The following HMGB1 variants were observed in gnomAD, a reference collection of about 807,000 sequenced individuals.
The protein encoded by HMGB1 is high mobility group box 1, also known as high mobility group protein B1.
For synonymous variants in HMGB1, 81 were observed against 84.0 expected (o/e 0.96, Z 0.19); for missense variants, 79 against 253.5 (o/e 0.31, Z 4.67).
intron 1 of HMGB1, chr13:30,554,311 C>A (rs1869575333): frequency 1.9e-6 from 2 of 1,068,156 alleles, no homozygotes; most frequent in Admixed American, 1.7e-5. Context: ...CTGCAGTGAT[C>A]CATTGTAGCG....
intron 1 of HMGB1, among the ~76,000 whole-genome samples, chr13:30,577,787 A>G (rs559782553): frequency 6.6e-6 from 1 of 152,366 alleles, no homozygotes; most frequent in East Asian, 1.9e-4. Context: ...TTGGCACATT[A>G]TAAGCATTCA....
chr13:30,595,693 G>C (rs1871576765), intron 1 of HMGB1, among the ~76,000 whole-genome samples: 1 of 152,186 alleles, frequency 6.6e-6, no homozygotes, highest in South Asian at 2.1e-4. Context: ...TGAGGGCTTT[G>C]AGGGCTGCAC....
chr13:30,567,343 A>ATTT (rs34781585), intron 1 of HMGB1, among the ~76,000 whole-genome samples: 12 of 138,818 alleles, frequency 8.6e-5, no homozygotes, highest in African/African-American at 2.2e-4. Flanking sequence ...TGTTAACCAA[A>ATTT]TTTTTTTTTT....
chr13:30,609,301 G>A (rs1287510097), intron 1 of HMGB1, among the ~76,000 whole-genome samples: 3 of 152,090 alleles, frequency 2.0e-5, no homozygotes, highest in Admixed American at 6.6e-5. Context: ...GAAAGGCCGT[G>A]ATCATTGGTA....
intron 4 of HMGB1, among the ~76,000 whole-genome samples, chr13:30,461,944 GT>G (rs1306220588): frequency 6.6e-6 from 1 of 152,080 alleles, no homozygotes; most frequent in Non-Finnish European, 1.5e-5. Flanking sequence ...AAAAAAAAAG[GT>G]AATTTGTCAA....
rs943622130 is a variant in HMGB1, at chr13:30,554,186, T to A, written c.-15+62485A>T. On this transcript the variant is annotated intron_variant, in intron 1 of 4. Transcript: ENST00000405805. Reference sequence around the variant, plus strand: ...CAATAGTGGTGAAACCAGAACAATATCTCACTTGCATTATACGACCTGGCC... The same window carrying A: ...CAATAGTGGTGAAACCAGAACAATAACTCACTTGCATTATACGACCTGGCC... 7.8e-6 allele frequency: 11 copies of A among 1,407,738 alleles called. No homozygotes were observed. The South Asian group carries it at 1.2e-4, about 15-fold the overall frequency. 87.2% of individuals were successfully genotyped at this position (1,407,738 alleles called of 1,614,324 possible). A position where few individuals can be genotyped will look rare whatever the true frequency, so the allele number is the denominator to read the frequency against.
chr13:30,547,437 C>A (rs913761335), intron 1 of HMGB1, among the ~76,000 whole-genome samples: 21 of 152,282 alleles, frequency 1.4e-4, no homozygotes, highest in Middle Eastern at 6.8e-3. Flanking sequence ...TTCCTCTACC[C>A]ACAGCCTTAA....
At chr13:30,571,627 T>TAAAAAAAAA (rs1566028750) in intron 1 of HMGB1, among the ~76,000 whole-genome samples, 2 of 152,192 alleles carry the variant, frequency 1.3e-5, no homozygotes, top group Non-Finnish European at 2.9e-5. Flanking sequence ...ACAATTAAGC[T>TAAAAAAAAA]GTAGAATAAA....
intron 1 of HMGB1, among the ~76,000 whole-genome samples, chr13:30,594,406 T>A (rs752938087): frequency 6.6e-6 from 1 of 152,186 alleles, no homozygotes; most frequent in East Asian, 1.9e-4. Flanking sequence ...GAGTTCCCAG[T>A]GTCTACTGTT....
At chr13:30,494,258 T>C (rs1887562273) in intron 1 of HMGB1, among the ~76,000 whole-genome samples, 1 of 152,218 alleles carries the variant, frequency 6.6e-6, no homozygotes. Context: ...CTTTCATTTG[T>C]ATCTTTAAAC....
At position 30,457,009 on chromosome 13, in the gene HMGB1, T is replaced by C. The variant is rs1886019564; in HGVS notation, c.*4348A>G. 5 of 152,126 alleles carry C rather than the reference T, an allele frequency of 3.3e-5. No homozygotes were observed. The South Asian group carries it at 1.0e-3, about 32-fold the overall frequency. The allele number at this position is 152,126 out of a possible 1,614,324, so 9.4% of individuals were successfully genotyped here. On this transcript the variant is annotated 3_prime_UTR_variant, in exon 5 of 5. Transcript: ENST00000341423. ...AGTGAGATCGAAAAAAGAAAAAATATGTATTATGGAGCACCATACTGTGGA... is the reference window on the plus strand; with the variant it reads ...AGTGAGATCGAAAAAAGAAAAAATACGTATTATGGAGCACCATACTGTGGA...
intron 4 of HMGB1, 98 bp downstream of exon 4, chr13:30,462,440 T>A: frequency 1.1e-6 from 1 of 916,320 alleles, no homozygotes; most frequent in Non-Finnish European, 1.8e-6. Flanking sequence ...ATACTTAATG[T>A]AGCTGTTACC....
chr13:30,576,223 G>T (rs186574378), intron 1 of HMGB1, among the ~76,000 whole-genome samples: 61 of 152,248 alleles, frequency 4.0e-4, no homozygotes, highest in African/African-American at 1.4e-3. Flanking sequence ...TTTATTTGAT[G>T]TATTGTAAAA....
At position 30,530,578 on chromosome 13, in the gene HMGB1, G is replaced by GAA. The variant is rs146625060; in HGVS notation, c.-14-66885_-14-66884insTT. ...GAAGTGTGCAAATATATAGGTAAAA[G>GAA]TATTTTTGTAGCTCTGCTAACAATA... On this transcript the variant is annotated intron_variant, in intron 1 of 4. Transcript: ENST00000405805. 7.3e-3 allele frequency among the ~76,000 whole-genome samples: 1,110 copies of GAA among 152,298 alleles called. 13 individuals carry two copies. The highest frequency in any genetic ancestry group is 0.021 in the African/African-American group (889 of 41,556).
At chr13:30,583,055 C>CG (rs1405743039) in intron 1 of HMGB1, among the ~76,000 whole-genome samples, 2 of 151,430 alleles carry the variant, frequency 1.3e-5, no homozygotes, top group African/African-American at 4.9e-5. Context: ...TTTGTAGAGA[C>CG]GGGGTCTTGC....
rs1357079840 is a variant in HMGB1, at chr13:30,458,266, G to T, written c.*3091C>A. 1 of 151,530 alleles carries T rather than the reference G, an allele frequency of 6.6e-6. No homozygotes were observed. The highest frequency in any genetic ancestry group is 6.6e-5 in the Admixed American group (1 of 15,220). The allele number at this position is 151,530 out of a possible 1,614,324, so 9.4% of individuals were successfully genotyped here. A position where few individuals can be genotyped will look rare whatever the true frequency, so the allele number is the denominator to read the frequency against. ...GACCTAAATGTGAACTTTCATCAAG[G>T]ACTATGTGATGTCAAGCAAGGCAGT... On this transcript the variant is annotated 3_prime_UTR_variant, in exon 5 of 5. Coordinates refer to ENST00000341423, the MANE Select transcript of HMGB1 (RefSeq NM_002128.7).
intron 1 of HMGB1, among the ~76,000 whole-genome samples, chr13:30,592,184 C>A (rs531104050): frequency 2.2e-5 from 3 of 135,186 alleles, no homozygotes; most frequent in African/African-American, 6.9e-5. Flanking sequence ...AAAAAAAAAA[C>A]ATTTTCCCCT....
In HMGB1 at chr13:30,465,817, C is replaced by A. The variant is rs1366438341; in HGVS notation, c.-36G>T. ...TCACCCTCAGCGAGGCACAGAGTCG[C>A]CCAGTGCCCGTCCGGCTCTCACTTG... is the stretch of plus-strand genomic sequence containing the variant. On this transcript the variant is annotated 5_prime_UTR_variant, in exon 1 of 5. Coordinates refer to ENST00000341423, the MANE Select transcript of HMGB1 (RefSeq NM_002128.7). 1.0e-6 allele frequency: 1 copy of A among 985,528 alleles called. No individual in the cohort carries two copies. The highest frequency in any genetic ancestry group is 6.1e-5 in the Admixed American group (1 of 16,264). The allele number at this position is 985,528 out of a possible 1,614,324, so 61.0% of individuals were successfully genotyped here.
chr13:30,468,225 A>G (rs559229185), upstream of HMGB1, among the ~76,000 whole-genome samples: 5 of 152,282 alleles, frequency 3.3e-5, no homozygotes, highest in African/African-American at 7.2e-5. Context: ...GAAGGCAGTG[A>G]TTGCAAATCT....
Sources: gnomAD v4.1 joint callset for allele counts (sites outside exome capture counted in the v4.1 genomes callset) on GRCh38, gnomAD v4.1.1 for gene constraint, MANE v1.5 for transcripts, NCBI Gene and HGNC (gene_info 2026-07-23, HGNC 2026-07-21) for gene names.